The following COLEC12 variants were observed in gnomAD, a reference collection of about 807,000 sequenced individuals.
COLEC12 encodes the protein collectin subfamily member 12, also known as collectin-12.
In COLEC12, 33 loss-of-function variants were observed where a neutral mutation model predicts 71.1. The observed-to-expected ratio is 0.46, with a 90% CI of 0.35 to 0.62. COLEC12 has a LOEUF of 0.62. Ranked by LOEUF, COLEC12 falls within the 20% of genes least tolerant of loss-of-function variation. The pLI is 0.00. For missense variants in COLEC12, 765 were observed against 916.1 expected (o/e 0.84, Z 2.13); for synonymous variants, 350 against 353.0 (o/e 0.99, Z 0.10).
intron 1 of COLEC12, among the ~76,000 whole-genome samples, chr18:489,030 G>C (rs1349625897): frequency 6.6e-6 from 1 of 151,976 alleles, no homozygotes; most frequent in Non-Finnish European, 1.5e-5. Flanking sequence ...AGGATGAATG[G>C]GCCCATCACT....
At chr18:411,213 C>A (rs555895929) in intron 2 of COLEC12, among the ~76,000 whole-genome samples, 1 of 152,188 alleles carries the variant, frequency 6.6e-6, no homozygotes, top group South Asian at 2.1e-4. Flanking sequence ...GATGCCTACC[C>A]GTCCCTTGCT....
At chr18:436,021 G>A (rs1916396403) in intron 2 of COLEC12, among the ~76,000 whole-genome samples, 1 of 152,178 alleles carries the variant, frequency 6.6e-6, no homozygotes, top group Non-Finnish European at 1.5e-5. Context: ...GTCAGAATCT[G>A]TGACTAATGG....
intron 2 of COLEC12, among the ~76,000 whole-genome samples, chr18:470,179 C>T (rs1173943042): frequency 6.8e-6 from 1 of 147,000 alleles, no homozygotes; most frequent in Non-Finnish European, 1.5e-5. Context: ...AATCCCAACA[C>T]TTTGGAAGGC....
intron 2 of COLEC12, among the ~76,000 whole-genome samples, chr18:472,157 C>T (rs552928875): frequency 2.6e-5 from 4 of 152,246 alleles, no homozygotes; most frequent in East Asian, 3.9e-4. Context: ...TAGAGGAGGA[C>T]GCTCAGGCAC....
At chr18:416,340 G>T (rs763080700) in intron 2 of COLEC12, among the ~76,000 whole-genome samples, 3 of 152,202 alleles carry the variant, frequency 2.0e-5, no homozygotes. Flanking sequence ...ACACTCAACA[G>T]AACTGGGGAT....
At chr18:458,845 C>CT (rs1277925741) in intron 2 of COLEC12, among the ~76,000 whole-genome samples, 1 of 152,214 alleles carries the variant, frequency 6.6e-6, no homozygotes, top group African/African-American at 2.4e-5. Flanking sequence ...ACTCAGATAA[C>CT]TTCTTTTTGA....
intron 2 of COLEC12, among the ~76,000 whole-genome samples, chr18:440,802 T>G (rs1916504783): frequency 6.6e-6 from 1 of 152,190 alleles, no homozygotes; most frequent in Non-Finnish European, 1.5e-5. Context: ...CTTCCAACAT[T>G]TGAGTTAGAT....
In COLEC12 at chr18:498,760, G is replaced by C. The variant is rs1917762091; in HGVS notation, c.7+1748C>G. 2.6e-5 allele frequency among the ~76,000 whole-genome samples: 4 copies of C among 152,304 alleles called. No individual in the cohort carries two copies. The South Asian group carries it at 8.3e-4, about 32-fold the overall frequency. On this transcript the variant is annotated intron_variant, in intron 1 of 9. Coordinates refer to ENST00000400256, the MANE Select transcript of COLEC12 (RefSeq NM_130386.3). ...TCAACCTCCCCGACTGGGGCGGAAA[G>C]TGTATGGGGCTTCTGGGCAGCGCTA...
intron 3 of COLEC12, among the ~76,000 whole-genome samples, chr18:351,702 G>A (rs1461437523): frequency 6.6e-6 from 1 of 152,030 alleles, no homozygotes; most frequent in Non-Finnish European, 1.5e-5. Context: ...CGAGTAGCTG[G>A]GATTACAGGA....
chr18:462,773 T>G (rs1008777025), intron 2 of COLEC12, among the ~76,000 whole-genome samples: 9 of 152,200 alleles, frequency 5.9e-5, no homozygotes, highest in Non-Finnish European at 1.3e-4. Flanking sequence ...TGATCAGGCT[T>G]GCCATTTTAT....
At chr18:354,474 C>T (rs76883236) in intron 3 of COLEC12, among the ~76,000 whole-genome samples, 372 of 152,346 alleles carry the variant, frequency 2.4e-3, no homozygotes, top group Non-Finnish European at 4.4e-3. Context: ...CCTTTCCTTT[C>T]GATTTCTCCT....
chr18:344,346 G>A (rs1460410829), intron 5 of COLEC12, among the ~76,000 whole-genome samples: 1 of 152,162 alleles, frequency 6.6e-6, no homozygotes, highest in African/African-American at 2.4e-5. Context: ...TCACCCAGTG[G>A]CATTCCTCAG....
At chr18:479,936 G>A (rs541496687) in intron 2 of COLEC12, among the ~76,000 whole-genome samples, 1 of 152,306 alleles carries the variant, frequency 6.6e-6, no homozygotes, top group African/African-American at 2.4e-5. Context: ...TCCCTCCTGA[G>A]GCTCTGAAGG....
intron 2 of COLEC12, chr18:423,955 T>C (rs1360841233): frequency 1.3e-5 from 2 of 152,164 alleles, no homozygotes; most frequent in Non-Finnish European, 2.9e-5. Context: ...ATCTCTCTCA[T>C]CCTAGAAGAC....
At chr18:476,863 G>C (rs1917315909) in intron 2 of COLEC12, among the ~76,000 whole-genome samples, 2 of 152,178 alleles carry the variant, frequency 1.3e-5, no homozygotes, top group Non-Finnish European at 2.9e-5. Context: ...GTCCCAATTA[G>C]CTCTGCATAC....
chr18:464,127 T>A (rs1013531576), intron 2 of COLEC12, among the ~76,000 whole-genome samples: 3 of 152,164 alleles, frequency 2.0e-5, no homozygotes, highest in African/African-American at 4.8e-5. Context: ...CCTTTCCCAA[T>A]TTCCTCTTGT....
At chr18:482,662 A>G (rs1454573447) in intron 1 of COLEC12, among the ~76,000 whole-genome samples, 2 of 151,826 alleles carry the variant, frequency 1.3e-5, no homozygotes, top group Non-Finnish European at 2.9e-5. Context: ...CCCAGGCTGG[A>G]GTGCAGTGGT....
intron 1 of COLEC12, among the ~76,000 whole-genome samples, chr18:481,575 G>A (rs892028503): frequency 2.0e-5 from 3 of 152,112 alleles, no homozygotes; most frequent in East Asian, 3.9e-4. Flanking sequence ...GTGGTGGCAC[G>A]TGCCTGTAAT....
chr18:443,205 A>T (rs932105190), intron 2 of COLEC12, among the ~76,000 whole-genome samples: 1 of 152,212 alleles, frequency 6.6e-6, no homozygotes, highest in African/African-American at 2.4e-5. Context: ...AAAAACACAT[A>T]CCTTTCTGAT....
Sources: allele counts gnomAD v4.1 joint callset (sites outside exome capture counted in the v4.1 genomes callset), GRCh38; gene constraint gnomAD v4.1.1; transcripts MANE v1.5; gene names NCBI Gene and HGNC (gene_info 2026-07-23, HGNC 2026-07-21).